DNAH6: variants seen among roughly 807,000 people sequenced by gnomAD.
DNAH6 encodes the protein dynein axonemal heavy chain 6.
A neutral mutation model predicts 491.4 loss-of-function variants in DNAH6; 340 were observed. The observed-to-expected ratio is 0.69, with a 90% CI of 0.63 to 0.76. DNAH6 has a LOEUF of 0.76. Among genes scored for constraint, DNAH6 ranks in the 30% least tolerant of loss-of-function variants. The probability of loss-of-function intolerance (pLI) is 0.00; values close to 1 mark genes in which losing one functional copy is unlikely to be tolerated. For missense variants in DNAH6, 4,443 were observed against 4,972.2 expected (o/e 0.89, Z 3.20); for synonymous variants, 1,603 against 1,686.1 (o/e 0.95, Z 1.21).
At chr2:84,720,317 C>T (rs1050344072) in intron 59 of DNAH6, among the ~76,000 whole-genome samples, 22 of 126,470 alleles carry the variant, frequency 1.7e-4, no homozygotes, top group Non-Finnish European at 3.4e-4. Flanking sequence ...CTCGCTCTGT[C>T]GCCCAGGCTG....
chr2:84,783,189 C>T (rs114588460), intron 65 of DNAH6, among the ~76,000 whole-genome samples: 4,099 of 152,278 alleles, frequency 0.027, 79 homozygotes, highest in South Asian at 0.06. Context: ...AACACCTCCA[C>T]AGAGTTCTGC....
At chr2:84,769,356 C>G (rs1249620599) in intron 64 of DNAH6, among the ~76,000 whole-genome samples, 1 of 152,246 alleles carries the variant, frequency 6.6e-6, no homozygotes, top group African/African-American at 2.4e-5. Context: ...TGGAACCTGA[C>G]ACTTGGCGTG....
At chr2:84,739,637 T>C (rs1672327840) in intron 62 of DNAH6, among the ~76,000 whole-genome samples, 1 of 152,270 alleles carries the variant, frequency 6.6e-6, no homozygotes, top group Non-Finnish European at 1.5e-5. Flanking sequence ...TCTAGTCTGT[T>C]GTTAAGGCTT....
chr2:84,717,097 T>C (rs1697611040), intron 58 of DNAH6, among the ~76,000 whole-genome samples: 1 of 152,202 alleles, frequency 6.6e-6, no homozygotes, highest in African/African-American at 2.4e-5. Flanking sequence ...ATTTTTCAAC[T>C]TCAAGGAATT....
At chr2:84,595,151 A>G (rs749847000) in intron 17 of DNAH6, among the ~76,000 whole-genome samples, 35 of 152,344 alleles carry the variant, frequency 2.3e-4, no homozygotes, top group Admixed American at 4.6e-4. Flanking sequence ...CAAATTTTCT[A>G]CTGCCATCAA....
intron 62 of DNAH6, among the ~76,000 whole-genome samples, chr2:84,738,769 G>A (rs1246127939): frequency 2.6e-5 from 4 of 152,054 alleles, no homozygotes; most frequent in Admixed American, 1.3e-4. Flanking sequence ...AGAAGAATGG[G>A]TCTTGTTTTT....
At chr2:84,580,075 A>T (rs1682855834) in intron 14 of DNAH6, among the ~76,000 whole-genome samples, 1 of 152,208 alleles carries the variant, frequency 6.6e-6, no homozygotes, top group Non-Finnish European at 1.5e-5. Flanking sequence ...GTTCTCAGCC[A>T]TAGGTTATTG....
intron 58 of DNAH6, 107 bp downstream of exon 58, chr2:84,715,734 C>T: frequency 9.7e-7 from 1 of 1,027,824 alleles, no homozygotes; most frequent in Non-Finnish European, 1.4e-6. Context: ...AAGAGCACTA[C>T]ACATGAACCC....
At chr2:84,703,333 C>T (rs1177103128) in intron 49 of DNAH6, 62 bp from the exon 50 acceptor site, 39 of 1,231,964 alleles carry the variant, frequency 3.2e-5, no homozygotes, top group Middle Eastern at 2.7e-4. Context: ...AATATGTGTT[C>T]GATACCAGTA....
chr2:84,700,998 G>C (rs1222224326), intron 48 of DNAH6, 99 bp from the exon 49 acceptor site: 3 of 1,356,654 alleles, frequency 2.2e-6, no homozygotes, highest in Non-Finnish European at 2.0e-6. Context: ...GAGGGGACTG[G>C]GCAGGGAGGA....
At position 84,677,766 on chromosome 2, in the gene DNAH6, C is replaced by T. The variant is rs150428075; in HGVS notation, c.6744+630C>T. Among the ~76,000 whole-genome samples the T allele has an allele frequency of 7.9e-5, 12 of 152,228 alleles. No homozygotes were observed. In the East Asian group the frequency reaches 2.1e-3, roughly 27 times the overall value. ...GAATATGAAGCAGCATGACTAAAGC[C>T]CCGCATAACCAACCTGCAAAGGTTG... On this transcript the variant is annotated intron_variant, in intron 41 of 76. Coordinates refer to ENST00000389394, the MANE Select transcript of DNAH6 (RefSeq NM_001370.2).
intron 54 of DNAH6, 145 bp downstream of exon 54, chr2:84,707,861 C>T (rs1405301008): frequency 1.3e-5 from 8 of 631,210 alleles, no homozygotes; most frequent in Middle Eastern, 4.3e-4. Flanking sequence ...CACAGCGCTT[C>T]ACTCCCCAAT....
chr2:84,479,683 A>G, the DNAH6 span, among the ~76,000 whole-genome samples: 1 of 152,226 alleles, frequency 6.6e-6, no homozygotes, highest in Non-Finnish European at 1.5e-5. Flanking sequence ...GAGACCCAAG[A>G]GTTGCTACTG....
chr2:84,609,116 C>T (rs1239176257), intron 21 of DNAH6, among the ~76,000 whole-genome samples: 1 of 152,178 alleles, frequency 6.6e-6, no homozygotes, highest in African/African-American at 2.4e-5. Flanking sequence ...TAGGGTCTTG[C>T]CTCAGACTAG....
Position 84,764,177 on chromosome 2 carries a change from A to G in DNAH6, c.10703+1232A>G, listed in dbSNP as rs151108104. On this transcript the variant is annotated intron_variant, in intron 64 of 76. Coordinates refer to ENST00000389394, the MANE Select transcript of DNAH6 (RefSeq NM_001370.2). Reference sequence around the variant, plus strand: ...TATGTAAATATCTCATGCCTCAGACAAGTTGACACACAAAATTAATCATCA... The same window carrying G: ...TATGTAAATATCTCATGCCTCAGACGAGTTGACACACAAAATTAATCATCA... Among the ~76,000 whole-genome samples the G allele has an allele frequency of 2.2e-4, 33 of 152,310 alleles. No homozygotes were observed. In the East Asian group the frequency reaches 5.2e-3, roughly 24 times the overall value.
intron 4 of DNAH6, among the ~76,000 whole-genome samples, chr2:84,542,395 A>G (rs974820539): frequency 3.3e-5 from 5 of 152,208 alleles, no homozygotes; most frequent in African/African-American, 7.2e-5. Flanking sequence ...AATGTATTCC[A>G]TATTCCTCAC....
intron 32 of DNAH6, among the ~76,000 whole-genome samples, chr2:84,641,357 C>T (rs1439304373): frequency 6.6e-6 from 1 of 152,086 alleles, no homozygotes; most frequent in East Asian, 1.9e-4. Flanking sequence ...ATAGTATGTC[C>T]CCTCTTTACA....
chr2:84,781,797 T>C, intron 65 of DNAH6, 144 bp downstream of exon 65: 4 of 1,033,368 alleles, frequency 3.9e-6, no homozygotes. Context: ...TAGACAGATT[T>C]AGCTAATTTA....
chr2:84,790,860 T>C (rs537481083), intron 68 of DNAH6, among the ~76,000 whole-genome samples: 5 of 152,154 alleles, frequency 3.3e-5, no homozygotes, highest in African/African-American at 9.7e-5. Flanking sequence ...CTCCTAGATA[T>C]GTACTTAGAA....
Sources: allele counts gnomAD v4.1 joint callset (sites outside exome capture counted in the v4.1 genomes callset), GRCh38; gene constraint gnomAD v4.1.1; transcripts MANE v1.5; gene names NCBI Gene and HGNC (gene_info 2026-07-23, HGNC 2026-07-21).